ITGA3: variants seen among roughly 807,000 people sequenced by gnomAD.
ITGA3 encodes the protein integrin subunit alpha 3.
Under a neutral mutation model 131.1 loss-of-function variants are expected in ITGA3, and 70 were observed. The observed-to-expected ratio is 0.53, with a 90% CI of 0.44 to 0.65. The LOEUF is 0.65. ITGA3 is among the 30% of genes least tolerant of loss of function. The pLI is 0.00. For missense variants in ITGA3, 1,098 were observed against 1,388.6 expected, an observed-to-expected ratio of 0.79 and a Z score of 3.33; for synonymous variants, 537 against 571.6, an observed-to-expected ratio of 0.94 and a Z score of 0.86.
At chr17:50,061,022 C>T (rs980129162) in intron 1 of ITGA3, among the ~76,000 whole-genome samples, 9 of 152,220 alleles carry the variant, frequency 5.9e-5, no homozygotes, top group Non-Finnish European at 1.0e-4. Flanking sequence ...CCGCCTTCCC[C>T]CATCCATGTG....
In ITGA3 at chr17:50,076,335, C is replaced by T. The variant is rs767714553; in HGVS notation, c.1684C>T (p.Arg562Cys). Reference sequence around the variant, plus strand: ...CACCCTCTCTCCCCAGGACAACCTCCGTGACAAACTCCGCCCCATCATCAT... The same window carrying T: ...CACCCTCTCTCCCCAGGACAACCTCTGTGACAAACTCCGCCCCATCATCAT... ...KLELLLMDNL[R>C]DKLRPIIISM... The change falls in exon 13 of 26, where the codon CGT becomes TGT. Residue 562 changes from arginine to cysteine, a missense_variant. Coordinates refer to ENST00000320031, the MANE Select transcript of ITGA3 (RefSeq NM_002204.4). 1.2e-6 allele frequency: 2 copies of T among 1,613,430 alleles called. No individual in the cohort carries two copies. Among genetic ancestry groups the T allele is most frequent in the Non-Finnish European group, 8.5e-7 (1 of 1,179,890 alleles).
intron 1 of ITGA3, among the ~76,000 whole-genome samples, chr17:50,060,305 C>T (rs774651175): frequency 2.0e-5 from 3 of 152,230 alleles, no homozygotes; most frequent in Non-Finnish European, 4.4e-5. Context: ...CCTGAGGTGA[C>T]AGAATCTGGG....
chr17:50,070,408 G>A (rs1409680659), intron 4 of ITGA3, among the ~76,000 whole-genome samples: 1 of 152,166 alleles, frequency 6.6e-6, no homozygotes, highest in African/African-American at 2.4e-5. Context: ...CACTTTGGGA[G>A]GCCAAGGCAG....
At chr17:50,088,175 A>T in intron 24 of ITGA3, 50 bp from the exon 25 acceptor site, 1 of 1,532,414 alleles carries the variant, frequency 6.5e-7, no homozygotes, top group South Asian at 1.2e-5. Context: ...GCTGGTGAGG[A>T]TAGCCCAGCG....
At chr17:50,073,807 A>G (rs1397451602) in intron 7 of ITGA3, 109 bp from the exon 8 acceptor site, 2 of 782,300 alleles carry the variant, frequency 2.6e-6, no homozygotes, top group Middle Eastern at 3.4e-4. Context: ...CTGCCCATCA[A>G]TCAGGCCAAG....
rs778440230 is a variant in ITGA3, at chr17:50,071,362, T to C, written c.803T>C (p.Ile268Thr). The change falls in exon 6 of 26, where the codon ATT becomes ACT. Residue 268 changes from isoleucine (I) to threonine (T), a missense_variant. Coordinates refer to ENST00000320031, the MANE Select transcript of ITGA3 (RefSeq NM_002204.4). ...ATCCTGCACCCCAAAAACATCACCA[T>C]TGTGACAGGTGCCCCACGGCACCGA... is the stretch of plus-strand genomic sequence containing the variant. ...SFILHPKNITIVTGAPRHRHM... is the reference protein window; with the variant it reads ...SFILHPKNITTVTGAPRHRHM... 4 of 1,614,048 alleles carry C rather than the reference T, an allele frequency of 2.5e-6. No individual in the cohort carries two copies. Among genetic ancestry groups the C allele is most frequent in the Non-Finnish European group, 3.4e-6 (4 of 1,180,044 alleles).
At chr17:50,085,968 C>T (rs772747488) in intron 23 of ITGA3, among the ~76,000 whole-genome samples, 189 of 398 alleles carry the variant, frequency 0.47, 57 homozygotes, top group African/African-American at 0.56. Context: ...TTAGATTATA[C>T]ATATTATAGA....
At position 50,064,588 on chromosome 17, in the gene ITGA3, G is replaced by A. The variant is rs1336154761; in HGVS notation, c.395G>A (p.Gly132Asp). The A allele has an allele frequency of 5.0e-6, 8 of 1,612,626 alleles. No homozygotes were observed. The highest frequency in any genetic ancestry group is 1.3e-5 in the African/African-American group (1 of 74,888). ...CTTGGAGTGACTGTGGCCAGCCAGGGCCCTGCAGGCAGAGTTCTGGTAAGT... is the reference window on the plus strand; with the variant it reads ...CTTGGAGTGACTGTGGCCAGCCAGGACCCTGCAGGCAGAGTTCTGGTAAGT... Reference protein sequence around the residue: ...MWLGVTVASQGPAGRVLVCAH... With the variant: ...MWLGVTVASQDPAGRVLVCAH... The change falls in exon 3 of 26, where the codon GGC (glycine) becomes GAC (aspartate). Residue 132 changes from glycine to aspartate, a missense_variant. By Grantham distance (94) the Gly-to-Asp change is moderately conservative. This residue lies in a region of ITGA3 where 356 missense variants were observed against 529.2 expected (regional missense o/e 0.67). Transcript: ENST00000320031. The surrounding 1 kb of genome is among the most constrained non-coding windows in gnomAD (Gnocchi z 4.4).
At chr17:50,062,544 A>C (rs955632882) in intron 1 of ITGA3, among the ~76,000 whole-genome samples, 1 of 152,186 alleles carries the variant, frequency 6.6e-6, no homozygotes, top group African/African-American at 2.4e-5. Flanking sequence ...TCCCAGGAAC[A>C]CTTCCCCAGG....
chr17:50,076,518 A>G, intron 13 of ITGA3, 43 bp downstream of exon 13: 1 of 1,513,638 alleles, frequency 6.6e-7, no homozygotes, highest in Non-Finnish European at 9.1e-7. Context: ...AGGGGCCAGA[A>G]GGGCGGTGGG....
Position 50,077,067 on chromosome 17 carries a change from G to A in ITGA3, c.2016G>A (p.Glu672=). The A allele has an allele frequency of 6.3e-7, 1 of 1,599,464 alleles. No individual in the cohort carries two copies. The highest frequency in any genetic ancestry group is 8.5e-7 in the Non-Finnish European group (1 of 1,172,138). Reference sequence around the variant, plus strand: ...AGCGCTCCGGGGAGGACGCCCACGAGGCGCTGCTCACCCTGGTGGTGCCTC... The same window carrying A: ...AGCGCTCCGGGGAGGACGCCCACGAAGCGCTGCTCACCCTGGTGGTGCCTC... ...TSERSGEDAH[E]ALLTLVVPPA... Residue 672 remains glutamate (E), a synonymous_variant, in exon 15 of 26, where the codon GAG becomes GAA. Transcript: ENST00000320031.
Position 50,064,085 on chromosome 17 carries a change from C to T in ITGA3, c.215C>T (p.Ala72Val). The change falls in exon 2 of 26, where the codon GCT becomes GTT. Residue 72 changes from alanine (A) to valine (V), a missense_variant. By Grantham distance (64) the Ala-to-Val change is moderately conservative (BLOSUM62 0). Transcript: ENST00000320031. This position sits in a 1 kb window ranked among gnomAD's most constrained non-coding sequence, Gnocchi z 4.4. ...TCCGTCCCTATCCCCAGGCTCCTGG[C>T]TGGTGCCCCCCGGGAGCTCGCTGTG... ...TERQQRYLLL[A>V]GAPRELAVPD... 6.2e-7 allele frequency: 1 copy of T among 1,612,900 alleles called. No individual in the cohort carries two copies. The highest frequency in any genetic ancestry group is 8.5e-7 in the Non-Finnish European group (1 of 1,179,706).
rs569936999 is a variant in ITGA3, at chr17:50,067,548, A to G, written c.415-508A>G. ...TGGGGGAAATAATCATTCCTACACCATAGGGTCACTAGCAGGCTTAACACT... is the reference window on the plus strand; with the variant it reads ...TGGGGGAAATAATCATTCCTACACCGTAGGGTCACTAGCAGGCTTAACACT... On this transcript the variant is annotated intron_variant, in intron 3 of 25. Coordinates refer to ENST00000320031, the MANE Select transcript of ITGA3 (RefSeq NM_002204.4). Among the ~76,000 whole-genome samples the G allele has an allele frequency of 5.3e-5, 8 of 152,310 alleles. No homozygotes were observed. The South Asian group carries it at 1.4e-3, about 28-fold the overall frequency.
chr17:50,078,987 C>T, intron 19 of ITGA3, 61 bp downstream of exon 19: 1 of 1,521,396 alleles, frequency 6.6e-7, no homozygotes. Context: ...TTTATTTTCT[C>T]TGGGGTCTGA....
chr17:50,081,913 A>G (rs1909203357), intron 23 of ITGA3, among the ~76,000 whole-genome samples: 1 of 152,240 alleles, frequency 6.6e-6, no homozygotes, highest in African/African-American at 2.4e-5. Context: ...TCAAGGCAGA[A>G]TGGAGGGAGG....
At chr17:50,075,306 G>A (rs555052778) in intron 10 of ITGA3, among the ~76,000 whole-genome samples, 153 bp from the exon 11 acceptor site, 1 of 152,302 alleles carries the variant, frequency 6.6e-6, no homozygotes, top group African/African-American at 2.4e-5. Flanking sequence ...AGGGGTCAGG[G>A]ACACCACAGA....
chr17:50,088,466 T>C, intron 25 of ITGA3, 100 bp downstream of exon 25: 1 of 639,580 alleles, frequency 1.6e-6, no homozygotes, highest in Middle Eastern at 4.1e-4. Context: ...TGCTCTGACC[T>C]CATTCTGTCC....
chr17:50,087,924 C>T (rs1909534783), intron 24 of ITGA3, 55 bp downstream of exon 24: 4 of 1,500,386 alleles, frequency 2.7e-6, no homozygotes, highest in Non-Finnish European at 3.6e-6. Context: ...ACTCACCAGC[C>T]CTTCCTCCAA....
intron 10 of ITGA3, 65 bp from the exon 11 acceptor site, chr17:50,075,394 C>T (rs1054562246): frequency 6.9e-5 from 106 of 1,541,504 alleles, no homozygotes; most frequent in Admixed American, 8.4e-5. Flanking sequence ...AGTACAGAGG[C>T]GAGAGCTAGG....
Sources: gnomAD v4.1 joint callset for allele counts (sites outside exome capture counted in the v4.1 genomes callset) on GRCh38, gnomAD v4.1.1 for gene constraint, gnomAD v4.1.1 regional missense constraint, Gnocchi (gnomAD v3.1) non-coding constraint, MANE v1.5 for transcripts, NCBI Gene and HGNC (gene_info 2026-07-23, HGNC 2026-07-21) for gene names.